Variants in MED23 observed in about 807,000 individuals in gnomAD.
The protein encoded by MED23 is mediator of RNA polymerase II transcription subunit 23.
MED23 carries 105 observed loss-of-function variants against 163.9 expected under a neutral mutation model. The ratio of observed to expected loss-of-function variants is 0.64; its 90% CI spans 0.55 to 0.75. MED23 has a LOEUF of 0.75. MED23 is among the 30% of genes least tolerant of loss of function. The pLI, the probability that MED23 is intolerant of heterozygous loss-of-function variation, is 0.00. For synonymous variants in MED23, 561 were observed against 565.6 expected (o/e 0.99, Z 0.12); for missense variants, 1,054 against 1,649.0 (o/e 0.64, Z 6.25).
Position 131,587,682 on chromosome 6 carries a change from C to T in MED23, c.4104G>A (p.Gln1368=), listed in dbSNP as rs772611490. ...TTCTCCACAGTACAGTCTGGCTTCACTGAGTTACTGGTAAAGACACGGGCA... is the reference window on the plus strand; with the variant it reads ...TTCTCCACAGTACAGTCTGGCTTCATTGAGTTACTGGTAAAGACACGGGCA... ...NQVPVSLPVT[Q] Residue 1368 remains glutamine, a synonymous_variant, in exon 29 of 29, where the codon CAG becomes CAA. Coordinates refer to ENST00000368068, the MANE Select transcript of MED23 (RefSeq NM_004830.4). 6.2e-7 allele frequency: 1 copy of T among 1,614,110 alleles called. No individual in the cohort carries two copies. Among genetic ancestry groups the T allele is most frequent in the South Asian group, 1.1e-5 (1 of 91,076 alleles).
chr6:131,592,116 A>G (rs1035639138), intron 25 of MED23: 1 of 483,450 alleles, frequency 2.1e-6, no homozygotes, highest in African/African-American at 2.0e-5. Context: ...TATTATGTAA[A>G]AACTAAAGTT....
chr6:131,602,147 T>C (rs1316549231), intron 17 of MED23, 71 bp downstream of exon 17: 1 of 1,499,880 alleles, frequency 6.7e-7, no homozygotes. Flanking sequence ...ATGTTACAAC[T>C]ATAGTAATTA....
intron 9 of MED23, among the ~76,000 whole-genome samples, chr6:131,617,069 ATATAT>A (rs1167225688): frequency 1.3e-5 from 2 of 150,562 alleles, no homozygotes; most frequent in African/African-American, 4.9e-5. Context: ...CATACTTAAA[ATATAT>A]TAATTTAAAA....
chr6:131,627,596 A>C (rs1465304918), intron 2 of MED23, 45 bp downstream of exon 2: 3 of 1,609,262 alleles, frequency 1.9e-6, no homozygotes, highest in African/African-American at 1.3e-5. Flanking sequence ...AATCTGACAG[A>C]CACAATCACA....
In MED23 at chr6:131,589,510, G is replaced by C; in HGVS notation, c.3894C>G (p.Leu1298=). The change falls in exon 28 of 29, where the codon CTC becomes CTG. Residue 1298 remains leucine (L), a synonymous_variant. Coordinates refer to ENST00000368068, the MANE Select transcript of MED23 (RefSeq NM_004830.4). The part of the protein sequence containing the change: ...LNYMDPICDF[L]YHMKYMFTGD... ...CAGTAAACATATACTTCATGTGATA[G>C]AGGAAGTCACAGATGGGATCCATGT... 1 of 1,613,400 alleles carries C rather than the reference G, an allele frequency of 6.2e-7. No homozygotes were observed. Among genetic ancestry groups the C allele is most frequent in the Middle Eastern group, 1.7e-4 (1 of 6,060 alleles).
intron 25 of MED23, chr6:131,591,824 A>T (rs1254178872): frequency 2.9e-6 from 1 of 347,210 alleles, no homozygotes; most frequent in Non-Finnish European, 5.2e-6. Flanking sequence ...TTACTTATTT[A>T]AAAATAATAA....
At chr6:131,578,573 CTTA>C (rs1773745928) in intron 30 of MED23, among the ~76,000 whole-genome samples, 1 of 152,084 alleles carries the variant, frequency 6.6e-6, no homozygotes, top group Non-Finnish European at 1.5e-5. Context: ...TTCACATATT[CTTA>C]TTTATTTATG....
chr6:131,574,310 G>C, intron 30 of MED23: 1 of 1,613,872 alleles, frequency 6.2e-7, no homozygotes, highest in South Asian at 1.1e-5. Flanking sequence ...AAAACAAATT[G>C]AGAGAGGCCA....
chr6:131,624,613 G>A (rs1021408837), intron 4 of MED23, among the ~76,000 whole-genome samples: 2 of 152,150 alleles, frequency 1.3e-5, no homozygotes, highest in Non-Finnish European at 2.9e-5. Flanking sequence ...CAAAAGTAAA[G>A]GGTTACAAAC....
At chr6:131,620,478 T>G (rs1347920788) in intron 7 of MED23, 150 bp downstream of exon 7, 5 of 652,880 alleles carry the variant, frequency 7.7e-6, no homozygotes, top group Non-Finnish European at 1.4e-5. Context: ...TTTTTAATGT[T>G]TTGCAGAGAC....
intron 22 of MED23, 118 bp from the exon 23 acceptor site, chr6:131,594,453 C>T: frequency 1.2e-6 from 1 of 822,036 alleles, no homozygotes; most frequent in Non-Finnish European, 2.1e-6. Context: ...GAAACAACTT[C>T]ACATGCTGGG....
chr6:131,617,285 A>G (rs1776760022), intron 9 of MED23, among the ~76,000 whole-genome samples: 1 of 151,018 alleles, frequency 6.6e-6, no homozygotes, highest in Non-Finnish European at 1.5e-5. Flanking sequence ...CTTCTTATCA[A>G]CCTCAAGTAC....
intron 7 of MED23, among the ~76,000 whole-genome samples, chr6:131,620,300 T>C (rs532077600): frequency 6.6e-6 from 1 of 152,260 alleles, no homozygotes; most frequent in East Asian, 1.9e-4. Context: ...CCCTTTTTTG[T>C]GTGTGAGACA....
In MED23 at chr6:131,598,176, T is replaced by C. The variant is rs1313781961; in HGVS notation, c.2607+111A>G. 7.5e-6 allele frequency: 8 copies of C among 1,061,026 alleles called. No individual in the cohort carries two copies. Among genetic ancestry groups the C allele is most frequent in the South Asian group, 4.1e-5 (3 of 72,450 alleles). 65.7% of individuals were successfully genotyped at this position (1,061,026 alleles called of 1,614,324 possible). On this transcript the variant is annotated intron_variant, in intron 20 of 28. Transcript: ENST00000368068. This position sits in a 1 kb window ranked among gnomAD's most constrained non-coding sequence, Gnocchi z 4.7. ...AGGGAAGTGACAGCAATGCTTGATA[T>C]AGTATAAATTCATTAAATCCTTCAA...
chr6:131,587,726 C>A lies in MED23; in HGVS notation c.4060G>T (p.Ala1354Ser), dbSNP rs758530824. 3.1e-6 allele frequency: 5 copies of A among 1,614,158 alleles called. No homozygotes were observed. Among genetic ancestry groups the A allele is most frequent in the Non-Finnish European group, 4.2e-6 (5 of 1,180,008 alleles). ...PPQAMNSGSP[A>S]PQSNQVPVSL... ...ACGGGCACCTGATTAGACTGAGGTG[C>A]TGGAGACCCACTGTTCATGGCTTGT... Residue 1354 changes from alanine (A) to serine (S), a missense_variant, in exon 29 of 29, where the codon GCA becomes TCA. Physicochemically the swap from Ala to Ser is moderately conservative, Grantham distance 99 (BLOSUM62 1). Around this residue, in one of 11 missense-constraint regions of MED23, gnomAD observed 362 missense variants for 471.6 expected, o/e 0.77. Coordinates refer to ENST00000368068, the MANE Select transcript of MED23 (RefSeq NM_004830.4).
intron 8 of MED23, 29 bp from the exon 9 acceptor site, chr6:131,618,548 T>C (rs766329470): frequency 7.0e-6 from 10 of 1,431,990 alleles, no homozygotes; most frequent in Non-Finnish European, 9.8e-6. Context: ...TGTTTTTAAG[T>C]AAATGTGAAC....
chr6:131,583,285 T>A, downstream of MED23: 1 of 1,609,928 alleles, frequency 6.2e-7, no homozygotes, highest in Non-Finnish European at 8.5e-7. Context: ...TAAAACAAGT[T>A]AACAGATTAT....
chr6:131,583,756 T>C, downstream of MED23: 11 of 1,613,966 alleles, frequency 6.8e-6, no homozygotes, highest in Non-Finnish European at 9.3e-6. Context: ...ACTCTCAGGA[T>C]TAGATATAAT....
In MED23 at chr6:131,593,040, C is replaced by A; in HGVS notation, c.3364G>T (p.Val1122Phe). The change falls in exon 24 of 29, where the codon GTT (valine) becomes TTT (phenylalanine). Residue 1122 changes from valine to phenylalanine, a missense_variant. Physicochemically the swap from Val to Phe is conservative, Grantham distance 50 (BLOSUM62 -1). This residue lies in a region of MED23 where 362 missense variants were observed against 471.6 expected (regional missense o/e 0.77). Coordinates refer to ENST00000368068, the MANE Select transcript of MED23 (RefSeq NM_004830.4). ...LMALAVSGKE[V>F]GNALLNVVLK... ...ACAACATTTAGAAGGGCATTCCCAA[C>A]TTCTTTGCCTGAAACTGCCAAGGCC... The A allele has an allele frequency of 1.2e-6, 2 of 1,614,230 alleles. No homozygotes were observed. The highest frequency in any genetic ancestry group is 1.7e-6 in the Non-Finnish European group (2 of 1,180,028).
Sources: allele counts gnomAD v4.1 joint callset (sites outside exome capture counted in the v4.1 genomes callset), GRCh38; gene constraint gnomAD v4.1.1; regional missense constraint gnomAD v4.1.1; non-coding constraint Gnocchi (gnomAD v3.1); transcripts MANE v1.5; gene names NCBI Gene and HGNC (gene_info 2026-07-23, HGNC 2026-07-21).